Variants in TBC1D14 observed in about 807,000 individuals in gnomAD.
The protein encoded by TBC1D14 is TBC1 domain family member 14, also known as TBC1 domain family, member 14.
Under a neutral mutation model 79.0 loss-of-function variants are expected in TBC1D14, and 26 were observed. That is an observed-to-expected ratio of 0.33 (90% confidence interval 0.24 to 0.46). The LOEUF (loss-of-function observed/expected upper bound fraction) is 0.46. TBC1D14 is among the 20% of genes least tolerant of loss of function. TBC1D14 has a pLI of 1.00. For synonymous variants in TBC1D14, 394 were observed against 349.9 expected, an observed-to-expected ratio of 1.13 and a Z score of -1.40; for missense variants, 769 against 887.6, an observed-to-expected ratio of 0.87 and a Z score of 1.70.
intron 9 of TBC1D14, chr4:7,007,718 C>T: frequency 1.3e-6 from 1 of 743,486 alleles, no homozygotes; most frequent in Non-Finnish European, 2.0e-6. Flanking sequence ...TCCCACAGGG[C>T]AGATTTCAGC....
At chr4:7,028,396 G>C (rs1342780750) in intron 13 of TBC1D14, among the ~76,000 whole-genome samples, 1 of 151,814 alleles carries the variant, frequency 6.6e-6, no homozygotes, top group South Asian at 2.1e-4. Context: ...GGGGTGGGGG[G>C]CTTGGGCATC....
chr4:6,970,339 A>C (rs757369696), intron 3 of TBC1D14, among the ~76,000 whole-genome samples: 3 of 152,178 alleles, frequency 2.0e-5, no homozygotes, highest in Non-Finnish European at 4.4e-5. Flanking sequence ...CATTTTCCTC[A>C]TCTCTACAGT....
chr4:6,911,670 C>A (rs1188277715), intron 1 of TBC1D14, among the ~76,000 whole-genome samples: 1 of 152,208 alleles, frequency 6.6e-6, no homozygotes, highest in Non-Finnish European at 1.5e-5. Context: ...ATGCCTCCAC[C>A]TTCCCTCCTC....
chr4:6,977,799 C>T (rs1291266246), intron 3 of TBC1D14, among the ~76,000 whole-genome samples: 1 of 130,442 alleles, frequency 7.7e-6, no homozygotes, highest in South Asian at 2.8e-4. Flanking sequence ...AAGTGAGGAG[C>T]GTCTCTGCCA....
chr4:6,955,284 A>C (rs1158694273), intron 2 of TBC1D14, among the ~76,000 whole-genome samples: 1 of 152,208 alleles, frequency 6.6e-6, no homozygotes, highest in South Asian at 2.1e-4. Context: ...TAGAGGAAGC[A>C]TTTAGGTTTT....
chr4:6,946,847 T>G (rs1713516158), intron 2 of TBC1D14, among the ~76,000 whole-genome samples: 2 of 152,156 alleles, frequency 1.3e-5, no homozygotes, highest in South Asian at 4.1e-4. Context: ...CTCCTTAAGA[T>G]TTCTAATATG....
chr4:6,926,111 G>T (rs1054435399), intron 2 of TBC1D14, among the ~76,000 whole-genome samples: 6 of 152,158 alleles, frequency 3.9e-5, no homozygotes, highest in Non-Finnish European at 5.9e-5. Flanking sequence ...AGCGTGGCCC[G>T]TGTGCCCATT....
At chr4:6,954,272 C>T (rs1215126917) in intron 2 of TBC1D14, 1 of 717,422 alleles carries the variant, frequency 1.4e-6, no homozygotes, top group South Asian at 1.5e-5. Flanking sequence ...CTGCAGCCGG[C>T]CCCTCGGAGC....
chr4:7,022,967 T>C (rs1036387054), intron 12 of TBC1D14, among the ~76,000 whole-genome samples: 3 of 152,136 alleles, frequency 2.0e-5, no homozygotes, highest in African/African-American at 7.2e-5. Context: ...ATAAAAACTG[T>C]TGTTTTGGCT....
rs373033980 is a variant in TBC1D14, at chr4:7,001,266, T to G, written c.1270+15T>G. 4 of 1,608,748 alleles carry G rather than the reference T, an allele frequency of 2.5e-6. No homozygotes were observed. Among genetic ancestry groups the G allele is most frequent in the Non-Finnish European group, 3.4e-6 (4 of 1,175,850 alleles). ...TATCACCCACGGTGAGTGGCCTGCA[T>G]GATCCTGGGGAGTCCACCTCCAGGC... On this transcript the variant is annotated intron_variant, in intron 7 of 13. Transcript: ENST00000409757.
intron 1 of TBC1D14, among the ~76,000 whole-genome samples, chr4:6,917,737 G>A (rs993480189): frequency 2.0e-5 from 3 of 152,198 alleles, no homozygotes; most frequent in Non-Finnish European, 4.4e-5. Flanking sequence ...GCCATCTGCA[G>A]TTGGTCGGTC....
intron 2 of TBC1D14, among the ~76,000 whole-genome samples, chr4:6,956,907 G>A (rs945019535): frequency 3.3e-5 from 5 of 152,266 alleles, no homozygotes; most frequent in African/African-American, 1.2e-4. Flanking sequence ...GGCCCCGGGA[G>A]TGGGATGGAC....
At chr4:7,006,356 T>G (rs1577159455) in intron 8 of TBC1D14, among the ~76,000 whole-genome samples, 1 of 152,288 alleles carries the variant, frequency 6.6e-6, no homozygotes, top group African/African-American at 2.4e-5. Flanking sequence ...CTGATTGTTA[T>G]TGATGAGAGG....
At chr4:6,953,537 A>C (rs1480686697) in intron 2 of TBC1D14, among the ~76,000 whole-genome samples, 4 of 143,166 alleles carry the variant, frequency 2.8e-5, no homozygotes, top group East Asian at 4.2e-4. Context: ...AGGCTGAGGC[A>C]GGAGAATGGC....
intron 12 of TBC1D14, among the ~76,000 whole-genome samples, chr4:7,021,373 G>A (rs750686812): frequency 2.6e-5 from 4 of 152,210 alleles, no homozygotes; most frequent in Non-Finnish European, 4.4e-5. Context: ...TGAGGTGACA[G>A]GATCATTTTA....
At chr4:6,998,907 T>G in intron 5 of TBC1D14, 178 bp from the exon 6 acceptor site, 1 of 592,510 alleles carries the variant, frequency 1.7e-6, no homozygotes, top group Non-Finnish European at 3.0e-6. Flanking sequence ...TACTAAAGGG[T>G]GGATAATGCC....
rs1281183576 is a variant in TBC1D14, at chr4:7,006,733, G to C, written c.1446+7G>C. On this transcript the variant is annotated splice_region_variant and intron_variant, in intron 9 of 13. Transcript: ENST00000409757. ...TCTCTGCATTTTCCAGCAAGTAAGT[G>C]GTGGTGACTTGTTGCTTTCAAGTAT... 1 of 1,610,192 alleles carries C rather than the reference G, an allele frequency of 6.2e-7. No homozygotes were observed.
chr4:6,991,866 G>C (rs1365846512), intron 3 of TBC1D14, among the ~76,000 whole-genome samples: 3 of 152,238 alleles, frequency 2.0e-5, no homozygotes, highest in Non-Finnish European at 4.4e-5. Context: ...ATAGTAAGAA[G>C]CTCTGACTGA....
intron 1 of TBC1D14, among the ~76,000 whole-genome samples, chr4:6,914,011 G>T (rs754943286): frequency 1.1e-4 from 16 of 151,906 alleles, no homozygotes; most frequent in Non-Finnish European, 2.1e-4. Flanking sequence ...GTGGTGGCGG[G>T]CACCTGTGGT....
Sources: gnomAD v4.1 joint callset for allele counts (sites outside exome capture counted in the v4.1 genomes callset) on GRCh38, gnomAD v4.1.1 for gene constraint, MANE v1.5 for transcripts, NCBI Gene and HGNC (gene_info 2026-07-23, HGNC 2026-07-21) for gene names.